The following COL6A1 variants were observed in gnomAD, a reference collection of about 807,000 sequenced individuals.
COL6A1 encodes the protein collagen alpha-1(VI) chain.
Under a neutral mutation model 145.6 loss-of-function variants are expected in COL6A1, and 80 were observed. The observed-to-expected ratio is 0.55, with a 90% CI of 0.46 to 0.66. The LOEUF is 0.66. Among genes scored for constraint, COL6A1 ranks in the 30% least tolerant of loss-of-function variants. The pLI is 0.00. For synonymous variants in COL6A1, 638 were observed against 622.8 expected (o/e 1.02, Z -0.36); for missense variants, 1,364 against 1,473.8 (o/e 0.93, Z 1.22).
Position 45,989,659 on chromosome 21 carries a change from G to A in COL6A1, c.903+7G>A, listed in dbSNP as rs2077762432. ...TGGGTACCAGGGAATGAAGGTACGTGCCCCCCCTTTCCTGGCCCGAGCCCG... is the reference window on the plus strand; with the variant it reads ...TGGGTACCAGGGAATGAAGGTACGTACCCCCCCTTTCCTGGCCCGAGCCCG... On this transcript the variant is annotated splice_region_variant and intron_variant, in intron 10 of 34. Transcript: ENST00000361866. 1 of 1,612,924 alleles carries A rather than the reference G, an allele frequency of 6.2e-7. No homozygotes were observed. Among genetic ancestry groups the A allele is most frequent in the African/African-American group, 1.3e-5 (1 of 74,916 alleles).
At position 45,994,443 on chromosome 21, in the gene COL6A1, G is replaced by C. The variant is rs907636702; in HGVS notation, c.1398+214G>C. 6.6e-6 allele frequency among the ~76,000 whole-genome samples: 1 copy of C among 152,048 alleles called. No homozygotes were observed. The highest frequency in any genetic ancestry group is 2.4e-5 in the African/African-American group (1 of 41,390). On this transcript the variant is annotated intron_variant, in intron 20 of 34. Transcript: ENST00000361866. The surrounding 1 kb of genome is among the most constrained non-coding windows in gnomAD (Gnocchi z 6.8). ...GTGGATTGTTGAGAGCAGGCCCAGCGCCCGGGGGCCTGACGCTGAGACGCT... is the reference window on the plus strand; with the variant it reads ...GTGGATTGTTGAGAGCAGGCCCAGCCCCCGGGGGCCTGACGCTGAGACGCT...
intron 25 of COL6A1, 24 bp downstream of exon 25, chr21:45,998,983 C>A: frequency 6.4e-7 from 1 of 1,550,996 alleles, no homozygotes; most frequent in Non-Finnish European, 8.7e-7. Context: ...GGAGGCAGGG[C>A]CAGCCCCAAG....
intron 19 of COL6A1, among the ~76,000 whole-genome samples, chr21:45,993,430 G>A (rs1208429363): frequency 6.6e-6 from 1 of 152,234 alleles, no homozygotes; most frequent in Admixed American, 6.5e-5. Flanking sequence ...GAGAGCCAGG[G>A]CCTGGCGGGC....
rs1204705944 is a variant in COL6A1, at chr21:45,998,810, TTATC to T, written c.1612-85_1612-82del. 6 of 1,327,276 alleles carry T rather than the reference TTATC, an allele frequency of 4.5e-6. No individual in the cohort carries two copies. The Admixed American group carries it at 1.6e-4, about 35-fold the overall frequency. The allele number at this position is 1,327,276 out of a possible 1,614,324, so 82.2% of individuals were successfully genotyped here. A position where few individuals can be genotyped will look rare whatever the true frequency, so the allele number is the denominator to read the frequency against. ...GGAAGGGAAGAGAAGAGTGCCTCTC[TTATC>T]TTTATTTTTTTCCTTTTAAAATTTC... On this transcript the variant is annotated intron_variant, in intron 24 of 34. Coordinates refer to ENST00000361866, the MANE Select transcript of COL6A1 (RefSeq NM_001848.3).
intron 1 of COL6A1, 128 bp from the exon 2 acceptor site, chr21:45,982,506 C>T: frequency 1.4e-6 from 2 of 1,384,734 alleles, no homozygotes; most frequent in Non-Finnish European, 2.0e-6. Context: ...GCTGCCTTTT[C>T]CCGGGAGAGC....
intron 3 of COL6A1, among the ~76,000 whole-genome samples, chr21:45,985,754 G>T (rs921536392): frequency 1.1e-4 from 16 of 152,238 alleles, no homozygotes; most frequent in Non-Finnish European, 1.6e-4. Flanking sequence ...CCCCGAGGTC[G>T]GTCTCAGAGG....
Position 46,002,278 on chromosome 21 carries a change from C to T in COL6A1, c.2127C>T (p.Tyr709=), listed in dbSNP as rs760039653. ...CCTTCACGGGGGAGGCCCTGCAGTA[C>T]ACGCGGGACCAGCTGCTGCCGCCCA... ...GGTFTGEALQ[Y]TRDQLLPPSP... The change falls in exon 32 of 35, where the codon TAC becomes TAT. Residue 709 remains tyrosine, a synonymous_variant. Transcript: ENST00000361866. 8.1e-6 allele frequency: 13 copies of T among 1,597,614 alleles called. No individual in the cohort carries two copies. The highest frequency in any genetic ancestry group is 2.3e-5 in the East Asian group (1 of 44,244).
chr21:46,003,212 G>T, intron 34 of COL6A1, 63 bp downstream of exon 34: 1 of 1,612,496 alleles, frequency 6.2e-7, no homozygotes, highest in South Asian at 1.1e-5. Flanking sequence ...CGAGGGCTCT[G>T]AGAGGACGGG....
At chr21:46,003,278 G>A in intron 34 of COL6A1, 113 bp from the exon 35 acceptor site, 1 of 1,602,762 alleles carries the variant, frequency 6.2e-7, no homozygotes, top group Non-Finnish European at 8.5e-7. Context: ...CACTCCGGTG[G>A]CTGAGCACCA....
At position 46,001,305 on chromosome 21, in the gene COL6A1, C is replaced by T; in HGVS notation, c.1875C>T (p.Ser625=). 6.2e-7 allele frequency: 1 copy of T among 1,612,618 alleles called. No individual in the cohort carries two copies. The highest frequency in any genetic ancestry group is 8.5e-7 in the Non-Finnish European group (1 of 1,179,892). ...TGTTCGTGCTGGACAGCTCAGAGAG[C>T]ATTGGCCTGCAGAACTTCGAGATTG... The part of the protein sequence containing the change: ...DLLFVLDSSE[S]IGLQNFEIAK... Residue 625 remains serine, a synonymous_variant, in exon 30 of 35, where the codon AGC becomes AGT. Transcript: ENST00000361866.
intron 29 of COL6A1, chr21:46,001,000 G>A (rs1377695217): frequency 1.3e-5 from 9 of 693,890 alleles, no homozygotes; most frequent in South Asian, 5.4e-5. Flanking sequence ...GCTTGGGGGG[G>A]TCCCTGCTCC....
rs1178238265 is a variant in COL6A1, at chr21:45,999,375, G to A, written c.1740+157G>A. 1.5e-5 allele frequency: 12 copies of A among 803,718 alleles called. 1 individual carries two copies. Among genetic ancestry groups the A allele is most frequent in the South Asian group, 6.5e-5 (4 of 61,988 alleles). 49.8% of individuals were successfully genotyped at this position (803,718 alleles called of 1,614,324 possible). On this transcript the variant is annotated intron_variant, in intron 26 of 34. Coordinates refer to ENST00000361866, the MANE Select transcript of COL6A1 (RefSeq NM_001848.3). ...GGAGGCCCTGGGGGTGGGAGGTGCC[G>A]GTCACCAGGGCCAGGTGGTGGCCAG...
Position 46,003,642 on chromosome 21 carries a change from G to A in COL6A1, c.2716G>A (p.Ala906Thr), listed in dbSNP as rs186477778. 1.3e-5 allele frequency: 21 copies of A among 1,613,062 alleles called. No homozygotes were observed. The highest frequency in any genetic ancestry group is 8.5e-6 in the Non-Finnish European group (10 of 1,179,944). ...CACGGCCCTGGCCAGTGCCGTCGAT[G>A]CCATGGACTTTATCAACGACGCCAC... ...NYTALASAVD[A>T]MDFINDATDV... The change falls in exon 35 of 35, where the codon GCC becomes ACC. Residue 906 changes from alanine (A) to threonine (T), a missense_variant. By Grantham distance (58) the Ala-to-Thr change is moderately conservative (BLOSUM62 0). Transcript: ENST00000361866.
chr21:45,987,766 G>A (rs571193258), intron 8 of COL6A1, 112 bp downstream of exon 8: 52 of 1,059,880 alleles, frequency 4.9e-5, no homozygotes, highest in South Asian at 4.2e-4. Context: ...AGGGGACGGC[G>A]GGGGTCCAGA....
intron 8 of COL6A1, among the ~76,000 whole-genome samples, chr21:45,988,448 TCCAGATGGAGGGGATGTC>T (rs1171402796): frequency 7.8e-6 from 1 of 127,730 alleles, no homozygotes; most frequent in African/African-American, 3.0e-5. Context: ...GACGGCGGGG[TCCAGATGGAGGGGATGTC>T]GGGGTCCAGA....
rs185879569 is a variant in COL6A1 at position 45,989,482 on chromosome 21, C to T, written c.859-126C>T. The T allele has an allele frequency of 8.4e-4, 823 of 983,488 alleles. 5 individuals are homozygous for T. The African/African-American group carries it at 9.9e-3, about 12-fold the overall frequency. The allele number at this position is 983,488 out of a possible 1,614,324, so 60.9% of individuals were successfully genotyped here. ...TGGAGGGCCTCGGCACCATGGGCCC[C>T]GTGCAGCAGGGCCCCTCTCTCGGCC... On this transcript the variant is annotated intron_variant, in intron 9 of 34. Transcript: ENST00000361866.
At chr21:45,988,952 T>C in intron 8 of COL6A1, 132 bp from the exon 9 acceptor site, 1 of 1,024,778 alleles carries the variant, frequency 9.8e-7, no homozygotes, top group Non-Finnish European at 1.4e-6. Flanking sequence ...TGACCAGATG[T>C]GATGGGGAAG....
intron 11 of COL6A1, 80 bp downstream of exon 11, chr21:45,989,858 G>A: frequency 6.3e-7 from 1 of 1,577,524 alleles, no homozygotes; most frequent in Non-Finnish European, 8.7e-7. Context: ...CGGGGATGAG[G>A]ACAGTGTCCC....
intron 33 of COL6A1, 106 bp downstream of exon 33, chr21:46,002,816 C>G: frequency 7.4e-7 from 1 of 1,345,208 alleles, no homozygotes. Context: ...CCCGGGCAGT[C>G]CCAGATCTGC....
Sources: gnomAD v4.1 joint callset for allele counts (sites outside exome capture counted in the v4.1 genomes callset) on GRCh38, gnomAD v4.1.1 for gene constraint, Gnocchi (gnomAD v3.1) non-coding constraint, MANE v1.5 for transcripts, NCBI Gene and HGNC (gene_info 2026-07-23, HGNC 2026-07-21) for gene names.